Variants in ANO4 observed in about 807,000 individuals in gnomAD.
ANO4 encodes the protein anoctamin-4.
ANO4 carries 69 observed loss-of-function variants against 141.9 expected under a neutral mutation model. The observed-to-expected ratio is 0.49, with a 90% CI of 0.40 to 0.59. ANO4 has a LOEUF of 0.59. ANO4 is among the 20% of genes least tolerant of loss of function. ANO4 has a pLI of 0.00. For missense variants in ANO4, 894 were observed against 1,162.2 expected (o/e 0.77, Z 3.36); for synonymous variants, 350 against 394.3 (o/e 0.89, Z 1.33).
chr12:100,725,408 G>A (rs998834820), intron 1 of ANO4, among the ~76,000 whole-genome samples: 5 of 147,666 alleles, frequency 3.4e-5, no homozygotes, highest in African/African-American at 1.0e-4. Context: ...GTGCAGTGGC[G>A]CGATCTCTGC....
intron 3 of ANO4, among the ~76,000 whole-genome samples, chr12:100,780,772 G>T (rs762831235): frequency 5.3e-5 from 8 of 152,096 alleles, no homozygotes; most frequent in Non-Finnish European, 1.2e-4. Flanking sequence ...TTGAACTCCT[G>T]GCTTCAAGCA....
intron 3 of ANO4, among the ~76,000 whole-genome samples, chr12:100,935,977 G>A (rs2042270707): frequency 1.3e-5 from 2 of 152,190 alleles, no homozygotes; most frequent in African/African-American, 4.8e-5. Flanking sequence ...ATGGTCTACA[G>A]TCTTCTTACT....
chr12:100,763,382 G>C (rs1019134090), intron 3 of ANO4, among the ~76,000 whole-genome samples: 1 of 152,174 alleles, frequency 6.6e-6, no homozygotes, highest in Non-Finnish European at 1.5e-5. Flanking sequence ...CAGAAACAAA[G>C]TAGGCATATT....
At chr12:101,024,161 G>T (rs937851748) in intron 9 of ANO4, among the ~76,000 whole-genome samples, 4 of 152,198 alleles carry the variant, frequency 2.6e-5, no homozygotes, top group African/African-American at 9.6e-5. Flanking sequence ...AACAATGTGG[G>T]TGCATACAAT....
chr12:100,949,655 A>T (rs1425193948), intron 5 of ANO4, among the ~76,000 whole-genome samples: 3 of 152,210 alleles, frequency 2.0e-5, no homozygotes, highest in African/African-American at 7.2e-5. Context: ...TTATAACGCA[A>T]CCATTAGGAA....
chr12:100,913,408 C>T (rs2041199587), intron 2 of ANO4, among the ~76,000 whole-genome samples: 1 of 152,124 alleles, frequency 6.6e-6, no homozygotes, highest in African/African-American at 2.4e-5. Flanking sequence ...CAATGTGCCC[C>T]TTATCCATAG....
chr12:100,784,635 C>T (rs117338087), intron 3 of ANO4, among the ~76,000 whole-genome samples: 1 of 152,236 alleles, frequency 6.6e-6, no homozygotes, highest in East Asian at 1.9e-4. Flanking sequence ...TAGCCCTAGA[C>T]AGAAATACAA....
intron 1 of ANO4, among the ~76,000 whole-genome samples, chr12:100,890,835 G>T (rs765146878): frequency 2.0e-5 from 3 of 152,144 alleles, no homozygotes; most frequent in Admixed American, 6.5e-5. Context: ...TTCACTGTTG[G>T]TGTTGTACAT....
chr12:101,041,098 A>G (rs1391841998), intron 11 of ANO4, among the ~76,000 whole-genome samples: 1 of 152,188 alleles, frequency 6.6e-6, no homozygotes, highest in East Asian at 1.9e-4. Context: ...GGTAATAACA[A>G]CCCACATTTC....
intron 2 of ANO4, among the ~76,000 whole-genome samples, chr12:100,902,116 C>G (rs537344855): frequency 6.6e-6 from 1 of 152,204 alleles, no homozygotes; most frequent in Non-Finnish European, 1.5e-5. Context: ...TTGCTCAGTT[C>G]AGGAAAGCTC....
intron 1 of ANO4, among the ~76,000 whole-genome samples, chr12:100,895,159 T>A (rs545546319): frequency 5.3e-5 from 8 of 151,504 alleles, no homozygotes; most frequent in East Asian, 1.9e-4. Context: ...TTTTTTTTTT[T>A]AATTAAGAAT....
chr12:100,894,639 A>C (rs1405665277), intron 1 of ANO4, among the ~76,000 whole-genome samples: 1 of 152,006 alleles, frequency 6.6e-6, no homozygotes, highest in Non-Finnish European at 1.5e-5. Context: ...TGGATGTGGG[A>C]GGGTATCAGT....
chr12:100,837,242 A>G (rs1396030074), intron 1 of ANO4, among the ~76,000 whole-genome samples: 1 of 152,180 alleles, frequency 6.6e-6, no homozygotes, highest in Non-Finnish European at 1.5e-5. Flanking sequence ...GCACAGCTCT[A>G]AGAATTTTTC....
In ANO4 at chr12:100,891,325, T is replaced by G. The variant is rs2040094143; in HGVS notation, c.-140-10321T>G. Among the ~76,000 whole-genome samples the G allele has an allele frequency of 2.6e-5, 4 of 152,228 alleles. No individual in the cohort carries two copies. In the South Asian group the frequency reaches 8.3e-4, roughly 31 times the overall value. ...TGGGAACATAAGTTTTCATCTCACT[T>G]GGGTAAATACCAAGGTGCATGATTG... On this transcript the variant is annotated intron_variant, in intron 1 of 27. Transcript: ENST00000392977.
intron 3 of ANO4, among the ~76,000 whole-genome samples, chr12:100,755,093 C>G (rs568431925): frequency 1.3e-5 from 2 of 152,244 alleles, no homozygotes; most frequent in East Asian, 3.9e-4. Context: ...CCTGCAAAAC[C>G]CATCAATGAT....
chr12:101,109,238 C>T (rs888811598), intron 22 of ANO4, among the ~76,000 whole-genome samples: 11 of 152,130 alleles, frequency 7.2e-5, no homozygotes, highest in African/African-American at 2.7e-4. Flanking sequence ...TGTCTTGTTA[C>T]TGGTGATATT....
intron 1 of ANO4, among the ~76,000 whole-genome samples, chr12:100,872,898 G>A (rs1359646056): frequency 1.3e-5 from 2 of 152,170 alleles, no homozygotes; most frequent in East Asian, 1.9e-4. Context: ...TGGAGGAGGG[G>A]CCTAGTGGGA....
At chr12:100,731,374 T>C (rs1420751795) in intron 1 of ANO4, among the ~76,000 whole-genome samples, 1 of 152,216 alleles carries the variant, frequency 6.6e-6, no homozygotes, top group Non-Finnish European at 1.5e-5. Flanking sequence ...ACAGCAGTTT[T>C]AGGTTCATAA....
chr12:100,751,273 G>T (rs540450391), intron 3 of ANO4, among the ~76,000 whole-genome samples: 2 of 152,232 alleles, frequency 1.3e-5, no homozygotes, highest in Admixed American at 6.5e-5. Context: ...ATCTACGCGG[G>T]AAAGCAAGTG....
Sources: gnomAD v4.1 joint callset for allele counts (sites outside exome capture counted in the v4.1 genomes callset) on GRCh38, gnomAD v4.1.1 for gene constraint, MANE v1.5 for transcripts, NCBI Gene and HGNC (gene_info 2026-07-23, HGNC 2026-07-21) for gene names.